The following HYAL3 variants were observed in gnomAD, a reference collection of about 807,000 sequenced individuals.
The protein encoded by HYAL3 is hyaluronidase 3, also known as hyaluronidase-3.
Under a neutral mutation model 29.6 loss-of-function variants are expected in HYAL3, and 25 were observed. The ratio of observed to expected loss-of-function variants is 0.85; its 90% CI spans 0.62 to 1.18. HYAL3 has a LOEUF of 1.18. Ranked by LOEUF, HYAL3 falls within the 50% of genes most tolerant of loss-of-function variation. HYAL3 has a pLI of 0.00. For missense variants in HYAL3, 442 were observed against 548.4 expected, an observed-to-expected ratio of 0.81 and a Z score of 1.94; for synonymous variants, 215 against 218.3, an observed-to-expected ratio of 0.99 and a Z score of 0.13.
In HYAL3 at chr3:50,297,384, G is replaced by A. The variant is rs1553711540; in HGVS notation, c.-17-1765C>T. 2 of 1,613,520 alleles carry A rather than the reference G, an allele frequency of 1.2e-6. No homozygotes were observed. Among genetic ancestry groups the A allele is most frequent in the Admixed American group, 1.7e-5 (1 of 59,914 alleles). On this transcript the variant is annotated intron_variant, in intron 1 of 3. Transcript: ENST00000336307. The surrounding 1 kb of genome is among the most constrained non-coding windows in gnomAD (Gnocchi z 4.3). Reference sequence around the variant, plus strand: ...ATTGAAGGTCATCTCTGGTTGGCATGTGGAATCCAGGGGCAGCTTTGGCTG... The same window carrying A: ...ATTGAAGGTCATCTCTGGTTGGCATATGGAATCCAGGGGCAGCTTTGGCTG...
Position 50,294,997 on chromosome 3 carries a change from G to T in HYAL3, c.606C>A (p.Tyr202Ter), listed in dbSNP as rs782739513. The change falls in exon 2 of 4, where the codon TAC becomes TAA. Residue 202 changes from tyrosine (Y) to a stop codon, truncating the protein, a stop_gained. Transcript: ENST00000336307. LOFTEE classifies it high-confidence loss of function. ...RPHGLWGFYH[Y>*]PACGNGWHSM... is the part of the protein sequence containing the mutation. ...TATGCCAGCCATTGCCACAGGCTGG[G>T]TAGTGATAGAAGCCCCAGAGTCCAT... The T allele has an allele frequency of 2.5e-6, 4 of 1,613,346 alleles. No individual in the cohort carries two copies. The Admixed American group carries it at 6.7e-5, about 27-fold the overall frequency.
intron 1 of HYAL3, chr3:50,296,690 T>C: frequency 1.2e-6 from 2 of 1,611,606 alleles, no homozygotes; most frequent in South Asian, 1.1e-5. Flanking sequence ...GGGGCCCTGA[T>C]GGAACTGGGG....
chr3:50,299,292 C>A lies in HYAL3; in HGVS notation c.-97G>T, dbSNP rs1318587109. On this transcript the variant is annotated 5_prime_UTR_variant, in exon 1 of 4. Coordinates refer to ENST00000336307, the MANE Select transcript of HYAL3 (RefSeq NM_003549.4). ...TCTCACTCAGTCGCCACCTCGGACT[C>A]CTCGGTCCGACAACGTTGGCCCCCA... The A allele has an allele frequency of 2.5e-6, 4 of 1,612,550 alleles. No individual in the cohort carries two copies. The African/African-American group carries it at 5.3e-5, about 22-fold the overall frequency.
At chr3:50,295,755 G>A in intron 1 of HYAL3, 136 bp from the exon 2 acceptor site, 3 of 671,720 alleles carry the variant, frequency 4.5e-6, no homozygotes, top group Non-Finnish European at 6.9e-6. Context: ...TGTTTCCCCA[G>A]GGGTCTCTTG....
At position 50,293,118 on chromosome 3, in the gene HYAL3, A is replaced by C; in HGVS notation, c.*128T>G. ...GCCCCTTCTACCCCTCAGGGATTCC[A>C]AGGGAAGCGGGGTGTGTGCTTGGGA... On this transcript the variant is annotated 3_prime_UTR_variant, in exon 4 of 4. Transcript: ENST00000336307. 2.0e-6 allele frequency: 3 copies of C among 1,504,404 alleles called. No individual in the cohort carries two copies. Among genetic ancestry groups the C allele is most frequent in the Non-Finnish European group, 1.8e-6 (2 of 1,085,506 alleles). 93.2% of individuals were successfully genotyped at this position (1,504,404 alleles called of 1,614,324 possible).
Position 50,293,404 on chromosome 3 carries a change from G to A in HYAL3, c.1096C>T (p.Arg366Cys), listed in dbSNP as rs782227663. 2.1e-5 allele frequency: 34 copies of A among 1,613,522 alleles called. No individual in the cohort carries two copies. Among genetic ancestry groups the A allele is most frequent in the Admixed American group, 6.7e-5 (4 of 60,004 alleles). Residue 366 changes from arginine to cysteine, a missense_variant, in exon 4 of 4, where the codon CGC (arginine) becomes TGC (cysteine). Transcript: ENST00000336307. ...TGTCCTGGATCTCGCCGGGCACAGC[G>A]CCCGTGGCCATGGCACCGCTGGTGA... ...CSHQRCHGHG[R>C]CARRDPGQME...
At chr3:50,298,681 CCTT>C (rs1181350866) in intron 1 of HYAL3, 4 of 880,646 alleles carry the variant, frequency 4.5e-6, no homozygotes, top group Non-Finnish European at 5.5e-6. Flanking sequence ...TGAGCCCCCT[CCTT>C]CTACTCACCT....
At chr3:50,296,427 A>T in intron 1 of HYAL3, 1 of 683,224 alleles carries the variant, frequency 1.5e-6, no homozygotes, top group Non-Finnish European at 2.5e-6. Flanking sequence ...TTATTCAGCC[A>T]CACTGACGGC....
At position 50,297,509 on chromosome 3, in the gene HYAL3, G is replaced by A; in HGVS notation, c.-18+1704C>T. The A allele has an allele frequency of 3.9e-6, 6 of 1,543,356 alleles. No homozygotes were observed. The highest frequency in any genetic ancestry group is 5.3e-6 in the Non-Finnish European group (6 of 1,141,440). ...TAGGGGTCAGCTTGGCTGGGCCAGG[G>A]CTCAGAGTCAGCTCTTGCCTATGCA... On this transcript the variant is annotated intron_variant, in intron 1 of 3. Transcript: ENST00000336307. This position sits in a 1 kb window ranked among gnomAD's most constrained non-coding sequence, Gnocchi z 4.3.
At chr3:50,298,543 G>C (rs1701962042) in intron 1 of HYAL3, among the ~76,000 whole-genome samples, 1 of 151,280 alleles carries the variant, frequency 6.6e-6, no homozygotes, top group Admixed American at 6.6e-5. Context: ...TATCCACAGG[G>C]TGTCCAACGG....
In HYAL3 at chr3:50,294,847, T is replaced by G; in HGVS notation, c.756A>C (p.Pro252=). 6.5e-7 allele frequency: 1 copy of G among 1,538,478 alleles called. No homozygotes were observed. Among genetic ancestry groups the G allele is most frequent in the East Asian group, 2.3e-5 (1 of 44,030 alleles). The change falls in exon 2 of 4, where the codon CCA becomes CCC. Residue 252 remains proline, a synonymous_variant. Transcript: ENST00000336307. The part of the protein sequence containing the change: ...FPSIYLPPRL[P]PAHHQAFVRH... ...GGACAAAGGCCTGGTGGTGGGCAGG[T>G]GGCAGCCTGGGTGGGAGGTAGATGC...
chr3:50,298,996 C>A, intron 1 of HYAL3: 6 of 1,467,200 alleles, frequency 4.1e-6, no homozygotes, highest in Non-Finnish European at 5.4e-6. Context: ...CCGTCTCTCC[C>A]GGGCCTCGGT....
chr3:50,297,261 C>T lies in HYAL3; in HGVS notation c.-17-1642G>A, dbSNP rs587603059. On this transcript the variant is annotated intron_variant, in intron 1 of 3. Transcript: ENST00000336307. The surrounding 1 kb of genome is among the most constrained non-coding windows in gnomAD (Gnocchi z 4.3). ...AGCACAAGCATCCAGGAGCTCGGGT[C>T]GGCGGTGCACAGGCTCCAGGGTCAA... 1.2e-4 allele frequency: 201 copies of T among 1,609,252 alleles called. 1 individual carries two copies. In the South Asian group the frequency reaches 1.9e-3, roughly 16 times the overall value.
In HYAL3 at chr3:50,295,631, AG is replaced by A. The variant is rs148283354; in HGVS notation, c.-17-13del. 2,806 of 1,518,620 alleles carry A rather than the reference AG, an allele frequency of 1.8e-3. 39 individuals are homozygous for A. The African/African-American group carries it at 0.035, about 19-fold the overall frequency. 94.1% of individuals were successfully genotyped at this position (1,518,620 alleles called of 1,614,324 possible). A position where few individuals can be genotyped will look rare whatever the true frequency, so the allele number is the denominator to read the frequency against. ...CCAAGGATGGAAACCTGCAGGAGAG[AG>A]GGGGGTGTAAGCTTAGAGTCCGCAG... On this transcript the variant is annotated splice_polypyrimidine_tract_variant and intron_variant, in intron 1 of 3. Transcript: ENST00000336307.
chr3:50,298,857 G>C, intron 1 of HYAL3: 5 of 1,271,552 alleles, frequency 3.9e-6, no homozygotes, highest in Non-Finnish European at 5.0e-6. Flanking sequence ...GCACCCTTTG[G>C]TCTAGAGGGA....
intron 1 of HYAL3, chr3:50,296,684 C>A (rs1553711212): frequency 6.2e-7 from 1 of 1,613,532 alleles, no homozygotes; most frequent in African/African-American, 1.3e-5. Context: ...TTGAAGGGGG[C>A]CCTGATGGAA....
chr3:50,297,140 T>C lies in HYAL3; in HGVS notation c.-17-1521A>G, dbSNP rs1553711422. 2 of 1,587,890 alleles carry C rather than the reference T, an allele frequency of 1.3e-6. No individual in the cohort carries two copies. The highest frequency in any genetic ancestry group is 3.5e-5 in the Admixed American group (2 of 57,584). On this transcript the variant is annotated intron_variant, in intron 1 of 3. Transcript: ENST00000336307. The surrounding 1 kb of genome is among the most constrained non-coding windows in gnomAD (Gnocchi z 4.3). ...CTGCTTCAAGTGTGGGGTGGGGGCT[T>C]AGCAGCATCAGGCAGAGGGGGAAGG...
chr3:50,298,961 C>T, intron 1 of HYAL3: 1 of 1,436,402 alleles, frequency 7.0e-7, no homozygotes, highest in East Asian at 2.6e-5. Flanking sequence ...GGGCGGGGCT[C>T]CGGGGTCCTC....
At chr3:50,295,700 T>C in intron 1 of HYAL3, 81 bp from the exon 2 acceptor site, 2 of 1,183,704 alleles carry the variant, frequency 1.7e-6, no homozygotes, top group Non-Finnish European at 2.3e-6. Context: ...CCAGGAAAGC[T>C]CCCCCAGCTC....
Sources: allele counts gnomAD v4.1 joint callset (sites outside exome capture counted in the v4.1 genomes callset), GRCh38; gene constraint gnomAD v4.1.1; non-coding constraint Gnocchi (gnomAD v3.1); transcripts MANE v1.5; gene names NCBI Gene and HGNC (gene_info 2026-07-23, HGNC 2026-07-21).